BFSP2: variants seen among roughly 807,000 people sequenced by gnomAD.
BFSP2 encodes the protein phakinin.
A neutral mutation model predicts 44.9 loss-of-function variants in BFSP2; 38 were observed. The observed-to-expected ratio is 0.85, with a 90% CI of 0.65 to 1.11. The LOEUF is 1.11. BFSP2 is among the 50% of genes least tolerant of loss of function. The probability of loss-of-function intolerance (pLI) is 0.00; values close to 1 mark genes in which losing one functional copy is unlikely to be tolerated. For missense variants in BFSP2, 525 were observed against 533.0 expected (o/e 0.99, Z 0.15); for synonymous variants, 197 against 209.9 (o/e 0.94, Z 0.53).
chr3:133,443,131 A>C (rs2073861486), intron 1 of BFSP2, among the ~76,000 whole-genome samples: 2 of 152,130 alleles, frequency 1.3e-5, no homozygotes, highest in African/African-American at 2.4e-5. Context: ...AAGTGCTGGG[A>C]TTCCAGGCGT....
At chr3:133,441,091 G>A (rs1374625974) in intron 1 of BFSP2, among the ~76,000 whole-genome samples, 1 of 148,048 alleles carries the variant, frequency 6.8e-6, no homozygotes. Flanking sequence ...CCAGGCTAGA[G>A]TGCAATGGCG....
At chr3:133,446,568 A>G (rs2073898830) in intron 1 of BFSP2, among the ~76,000 whole-genome samples, 1 of 18,286 alleles carries the variant, frequency 5.5e-5, no homozygotes, top group Non-Finnish European at 1.3e-4. Context: ...TCAGCTCACC[A>G]TTTATATATA....
rs2073901276 is a variant in BFSP2 at position 133,446,591 on chromosome 3, T to C, written c.490-726T>C. 2.0e-4 allele frequency among the ~76,000 whole-genome samples: 4 copies of C among 19,750 alleles called. 1 individual carries two copies. The highest frequency in any genetic ancestry group is 8.7e-4 in the African/African-American group (4 of 4,620). 13.0% of individuals were successfully genotyped at this position (19,750 alleles called of 152,430 possible). ...CCATTTATATATATATATATATATA[T>C]ATATATATATATATATATATATATA... is the stretch of plus-strand genomic sequence containing the variant. On this transcript the variant is annotated intron_variant, in intron 1 of 6. Transcript: ENST00000302334.
intron 1 of BFSP2, among the ~76,000 whole-genome samples, chr3:133,428,113 A>G (rs2073670407): frequency 6.6e-6 from 1 of 152,214 alleles, no homozygotes; most frequent in Admixed American, 6.5e-5. Context: ...CTAAAGCTCA[A>G]AACAGTTTGA....
At chr3:133,452,440 C>A (rs1881918) in intron 4 of BFSP2, among the ~76,000 whole-genome samples, 73,362 of 152,002 alleles carry the variant, frequency 0.48, 21,265 homozygotes, top group Non-Finnish European at 0.65. Flanking sequence ...CCTAGTTATT[C>A]AAAAAATGAC....
At chr3:133,417,344 A>C (rs1010986957) in intron 1 of BFSP2, among the ~76,000 whole-genome samples, 92 of 20,266 alleles carry the variant, frequency 4.5e-3, no homozygotes, top group Admixed American at 5.9e-3. Flanking sequence ...CCCTCCACTC[A>C]CCCCGTTCTC....
At chr3:133,424,737 G>A (rs2073628082) in intron 1 of BFSP2, among the ~76,000 whole-genome samples, 1 of 152,204 alleles carries the variant, frequency 6.6e-6, no homozygotes, top group Non-Finnish European at 1.5e-5. Flanking sequence ...CTGGATTCAA[G>A]CAATTCTCAT....
At chr3:133,430,237 G>A (rs1183886169) in intron 1 of BFSP2, among the ~76,000 whole-genome samples, 5 of 152,010 alleles carry the variant, frequency 3.3e-5, no homozygotes, top group Non-Finnish European at 5.9e-5. Flanking sequence ...TGTCTTTATA[G>A]CAGCATGATT....
intron 1 of BFSP2, among the ~76,000 whole-genome samples, chr3:133,419,902 G>A (rs867391320): frequency 1.6e-4 from 24 of 152,212 alleles, no homozygotes; most frequent in African/African-American, 2.2e-4. Flanking sequence ...GTGTGGCTCC[G>A]GCTCCGCCAA....
intron 3 of BFSP2, among the ~76,000 whole-genome samples, chr3:133,450,033 A>AGG (rs2073946742): frequency 3.7e-5 from 2 of 53,898 alleles, no homozygotes; most frequent in African/African-American, 6.7e-5. Flanking sequence ...AGGGAGGGGG[A>AGG]GGGAAGGAGG....
intron 1 of BFSP2, among the ~76,000 whole-genome samples, chr3:133,444,809 G>A (rs1239170808): frequency 6.6e-6 from 1 of 151,966 alleles, no homozygotes; most frequent in African/African-American, 2.4e-5. Flanking sequence ...AATAAAATGG[G>A]CTCCCTGGAC....
At chr3:133,402,784 G>C (rs1173349830) in intron 1 of BFSP2, among the ~76,000 whole-genome samples, 1 of 151,830 alleles carries the variant, frequency 6.6e-6, no homozygotes, top group Non-Finnish European at 1.5e-5. Flanking sequence ...GGGATTACAG[G>C]TGCACGCCAC....
chr3:133,425,503 C>T (rs1406803895), intron 1 of BFSP2, among the ~76,000 whole-genome samples: 2 of 152,186 alleles, frequency 1.3e-5, no homozygotes, highest in Non-Finnish European at 2.9e-5. Context: ...TGGAGGGTCC[C>T]ATGATTTTTC....
At chr3:133,417,677 TC>T (rs2073553650) in intron 1 of BFSP2, among the ~76,000 whole-genome samples, 15 of 100,500 alleles carry the variant, frequency 1.5e-4, no homozygotes, top group African/African-American at 2.0e-4. Flanking sequence ...TGCCCTCTCC[TC>T]TCTACTCAAC....
intron 6 of BFSP2, 46 bp downstream of exon 6, chr3:133,472,611 G>A: frequency 3.8e-6 from 6 of 1,568,686 alleles, no homozygotes; most frequent in Non-Finnish European, 4.3e-6. Context: ...GCATATTCAT[G>A]GCTTTAAAAA....
At chr3:133,403,168 T>C (rs1190178907) in intron 1 of BFSP2, among the ~76,000 whole-genome samples, 1 of 152,096 alleles carries the variant, frequency 6.6e-6, no homozygotes, top group Non-Finnish European at 1.5e-5. Context: ...GCTGCCTTCA[T>C]CTCACTTGGG....
At chr3:133,468,505 C>T (rs1157195467) in intron 5 of BFSP2, among the ~76,000 whole-genome samples, 1 of 152,164 alleles carries the variant, frequency 6.6e-6, no homozygotes, top group Non-Finnish European at 1.5e-5. Flanking sequence ...CCAAAAATGG[C>T]TTCTTCATTT....
At chr3:133,472,723 C>G (rs1296516624) in intron 6 of BFSP2, among the ~76,000 whole-genome samples, 158 bp downstream of exon 6, 1 of 152,234 alleles carries the variant, frequency 6.6e-6, no homozygotes, top group Admixed American at 6.5e-5. Context: ...TCCTTCCTTT[C>G]CTATTCACAT....
intron 6 of BFSP2, among the ~76,000 whole-genome samples, chr3:133,474,734 C>T (rs1049399641): frequency 6.6e-6 from 1 of 152,290 alleles, no homozygotes; most frequent in East Asian, 1.9e-4. Flanking sequence ...CAAACCCTGC[C>T]AAGACAACCT....
Sources: gnomAD v4.1 joint callset for allele counts (sites outside exome capture counted in the v4.1 genomes callset) on GRCh38, gnomAD v4.1.1 for gene constraint, MANE v1.5 for transcripts, NCBI Gene and HGNC (gene_info 2026-07-23, HGNC 2026-07-21) for gene names.